SGK3: variants seen among roughly 807,000 people sequenced by gnomAD.
SGK3 encodes serine/threonine-protein kinase Sgk3.
A neutral mutation model predicts 68.5 loss-of-function variants in SGK3; 47 were observed. That is an observed-to-expected ratio of 0.69 (90% CI 0.54 to 0.87). SGK3 has a LOEUF of 0.87. Ranked by LOEUF, SGK3 falls within the 40% of genes least tolerant of loss-of-function variation. The pLI, the probability that SGK3 is intolerant of heterozygous loss-of-function variation, is 0.00. For synonymous variants in SGK3, 181 were observed against 189.1 expected (o/e 0.96, Z 0.35); for missense variants, 479 against 575.5 (o/e 0.83, Z 1.72).
chr8:66,839,878 T>G, intron 10 of SGK3, 125 bp from the exon 11 acceptor site: 1 of 838,132 alleles, frequency 1.2e-6, no homozygotes, highest in Admixed American at 3.1e-5. Flanking sequence ...TTAACATTTT[T>G]AGCTCACATT....
chr8:66,715,922 C>T (rs927480074), intron 1 of SGK3, among the ~76,000 whole-genome samples: 6 of 152,150 alleles, frequency 3.9e-5, no homozygotes, highest in African/African-American at 1.4e-4. Context: ...GAGTCATCTG[C>T]CTGTCAACGT....
At chr8:66,821,794 G>A (rs1808840627) in intron 5 of SGK3, among the ~76,000 whole-genome samples, 1 of 151,110 alleles carries the variant, frequency 6.6e-6, no homozygotes. Context: ...CAAAGTGCTG[G>A]GATTACAGGC....
At chr8:66,723,548 A>G (rs921665850) in intron 1 of SGK3, among the ~76,000 whole-genome samples, 3 of 152,072 alleles carry the variant, frequency 2.0e-5, no homozygotes, top group African/African-American at 4.8e-5. Context: ...GGCTCAAGCA[A>G]TCCTCCCACC....
chr8:66,850,736 G>A (rs1248935205), intron 15 of SGK3, 95 bp from the exon 16 acceptor site: 2 of 1,207,392 alleles, frequency 1.7e-6, no homozygotes, highest in Non-Finnish European at 2.3e-6. Context: ...GTTATTGAGG[G>A]GCAAAATAGT....
At chr8:66,816,076 T>C (rs1306823416) in intron 5 of SGK3, among the ~76,000 whole-genome samples, 1 of 152,142 alleles carries the variant, frequency 6.6e-6, no homozygotes, top group Non-Finnish European at 1.5e-5. Context: ...CTCAGCTCAC[T>C]GCAAGCTCTG....
intron 1 of SGK3, among the ~76,000 whole-genome samples, chr8:66,771,144 T>A (rs1208292008): frequency 1.7e-4 from 26 of 152,222 alleles, no homozygotes; most frequent in Admixed American, 1.7e-3. Flanking sequence ...CCACTCTTAA[T>A]AGTCACTTCA....
At chr8:66,813,820 AAAT>A in intron 4 of SGK3, 30 bp from the exon 5 acceptor site, 1 of 1,528,210 alleles carries the variant, frequency 6.5e-7, no homozygotes, top group East Asian at 2.4e-5. Context: ...AGTCTGACAT[AAAT>A]AATCCTAATA....
At chr8:66,734,777 T>C (rs140056553) in intron 1 of SGK3, among the ~76,000 whole-genome samples, 5,742 of 152,070 alleles carry the variant, frequency 0.038, 127 homozygotes, top group Admixed American at 0.051. Flanking sequence ...TGAAATCCTG[T>C]CTTTACTAAA....
chr8:66,814,006 G>T, intron 5 of SGK3, 78 bp downstream of exon 5: 2 of 1,271,808 alleles, frequency 1.6e-6, no homozygotes, highest in South Asian at 2.0e-5. Flanking sequence ...TATAAATTTT[G>T]TTTGTTCTAT....
chr8:66,779,647 A>G (rs1455052930), intron 1 of SGK3, among the ~76,000 whole-genome samples: 3 of 144,326 alleles, frequency 2.1e-5, no homozygotes, highest in African/African-American at 7.8e-5. Flanking sequence ...ATACACATAT[A>G]TACATTTTAT....
intron 1 of SGK3, among the ~76,000 whole-genome samples, chr8:66,785,475 G>A (rs779648408): frequency 6.6e-6 from 1 of 152,140 alleles, no homozygotes; most frequent in Admixed American, 6.5e-5. Context: ...CCCTGTTGAC[G>A]TTTTGGGTCA....
At chr8:66,739,541 C>A (rs528080535) in intron 1 of SGK3, among the ~76,000 whole-genome samples, 1 of 152,162 alleles carries the variant, frequency 6.6e-6, no homozygotes, top group African/African-American at 2.4e-5. Context: ...ATTACAGGTG[C>A]CTGCCACCAG....
At chr8:66,828,343 T>TG (rs1056191951) in intron 6 of SGK3, among the ~76,000 whole-genome samples, 2 of 152,250 alleles carry the variant, frequency 1.3e-5, no homozygotes, top group African/African-American at 4.8e-5. Context: ...AAATTGCAGT[T>TG]GCAATACCCA....
intron 6 of SGK3, 86 bp from the exon 7 acceptor site, chr8:66,828,568 T>C: frequency 6.3e-7 from 1 of 1,580,258 alleles, no homozygotes; most frequent in Non-Finnish European, 8.7e-7. Context: ...ATATTTGTGG[T>C]ACAGTTATAA....
chr8:66,734,228 C>CTTTTTTTTTTTTTTTTTT (rs529741200), intron 1 of SGK3, among the ~76,000 whole-genome samples: 53 of 104,192 alleles, frequency 5.1e-4, no homozygotes, highest in Non-Finnish European at 6.3e-4. Flanking sequence ...CTTTTTCTTT[C>CTTTTTTTTTTTTTTTTTT]TTTTTTTTTT....
chr8:66,851,098 A>G (rs1258503163), intron 16 of SGK3, among the ~76,000 whole-genome samples, 178 bp downstream of exon 16: 1 of 152,178 alleles, frequency 6.6e-6, no homozygotes, highest in Non-Finnish European at 1.5e-5. Context: ...GACCAGTAAG[A>G]TTATAGTTAG....
At chr8:66,752,854 C>A (rs1245585044) in intron 1 of SGK3, among the ~76,000 whole-genome samples, 2 of 151,896 alleles carry the variant, frequency 1.3e-5, no homozygotes, top group Non-Finnish European at 2.9e-5. Flanking sequence ...TCACAGGTTT[C>A]TTTATTTTTT....
intron 1 of SGK3, among the ~76,000 whole-genome samples, chr8:66,774,225 G>A (rs532261676): frequency 6.6e-6 from 1 of 152,272 alleles, no homozygotes; most frequent in East Asian, 1.9e-4. Flanking sequence ...AGCTAGGCTG[G>A]CCTCTTGGCA....
At chr8:66,775,110 G>T (rs1242745913) in intron 1 of SGK3, 1 of 152,440 alleles carries the variant, frequency 6.6e-6, no homozygotes, top group Non-Finnish European at 1.5e-5. Flanking sequence ...AGCTCCGAGG[G>T]CGGGGCTGAC....
Sources: allele counts gnomAD v4.1 joint callset (sites outside exome capture counted in the v4.1 genomes callset), GRCh38; gene constraint gnomAD v4.1.1; transcripts MANE v1.5; gene names NCBI Gene and HGNC (gene_info 2026-07-23, HGNC 2026-07-21).